The following SNX16 variants were observed in gnomAD, a reference collection of about 807,000 sequenced individuals.
The protein encoded by SNX16 is sorting nexin 16.
SNX16 carries 35 observed loss-of-function variants against 36.7 expected under a neutral mutation model. The observed-to-expected ratio is 0.95, with a 90% CI of 0.73 to 1.27. The LOEUF is 1.27. Ranked by LOEUF, SNX16 falls within the 50% of genes most tolerant of loss-of-function variation. SNX16 has a pLI of 0.00. For synonymous variants in SNX16, 134 were observed against 132.0 expected (o/e 1.02, Z -0.10); for missense variants, 367 against 393.6 (o/e 0.93, Z 0.57).
In SNX16 at chr8:81,808,973, G is replaced by A. The variant is rs540641384; in HGVS notation, c.682-5745C>T. Among the ~76,000 whole-genome samples the A allele has an allele frequency of 3.1e-3, 478 of 151,988 alleles. 9 individuals are homozygous for A. The highest frequency in any genetic ancestry group is 5.3e-4 in the Non-Finnish European group (36 of 67,970). ...TGTGGCAAATGTAAAGCATTCCAAC[G>A]AAGGGTTTTAATGTAGTTTTTTTTT... is the stretch of plus-strand genomic sequence containing the variant. On this transcript the variant is annotated intron_variant, in intron 5 of 7. Coordinates refer to ENST00000345957, the MANE Select transcript of SNX16 (RefSeq NM_152836.3).
chr8:81,820,950 T>C (rs1262534114), intron 4 of SNX16, among the ~76,000 whole-genome samples: 3 of 151,374 alleles, frequency 2.0e-5, no homozygotes, highest in Non-Finnish European at 2.9e-5. Context: ...TATTAAGAAG[T>C]CTCTTACATT....
At chr8:81,834,827 G>C (rs117764244) in intron 2 of SNX16, among the ~76,000 whole-genome samples, 1 of 152,200 alleles carries the variant, frequency 6.6e-6, no homozygotes, top group Non-Finnish European at 1.5e-5. Flanking sequence ...TTTATGAGCC[G>C]TGGCTTTTCC....
At chr8:81,833,164 A>G (rs1586018127) in intron 2 of SNX16, among the ~76,000 whole-genome samples, 1 of 144,814 alleles carries the variant, frequency 6.9e-6, no homozygotes, top group Admixed American at 7.1e-5. Context: ...AAATAATTTC[A>G]CCTATTTCTT....
Position 81,823,869 on chromosome 8 carries a change from A to G in SNX16, c.534T>C (p.Ala178=). ...CTAATTGTCTGTCTTCTAAAAAGTC[A>G]GCATTGTAATTATCTTTAAACCAGC... is the stretch of plus-strand genomic sequence containing the variant. ...PKRWFKDNYN[A]DFLEDRQLGL... Residue 178 remains alanine, a synonymous_variant, in exon 4 of 8, where the codon GCT becomes GCC. Transcript: ENST00000345957. The G allele has an allele frequency of 6.2e-7, 1 of 1,612,258 alleles. No homozygotes were observed. Among genetic ancestry groups the G allele is most frequent in the Middle Eastern group, 1.7e-4 (1 of 6,046 alleles).
chr8:81,819,923 A>T (rs1219898277), intron 4 of SNX16, among the ~76,000 whole-genome samples: 2 of 152,092 alleles, frequency 1.3e-5, no homozygotes, highest in African/African-American at 4.8e-5. Context: ...GTGTAATGGT[A>T]AGGGCTTAGC....
chr8:81,835,723 CCTCAGCCTG>C (rs1455277051), intron 2 of SNX16, among the ~76,000 whole-genome samples: 1 of 152,208 alleles, frequency 6.6e-6, no homozygotes, highest in Admixed American at 6.5e-5. Flanking sequence ...ACTAAGACTA[CCTCAGCCTG>C]GACTGTAGAA....
intron 5 of SNX16, chr8:81,815,100 TTTA>T: frequency 4.2e-6 from 1 of 238,478 alleles, no homozygotes; most frequent in East Asian, 7.5e-5. Context: ...ATTTTAGAGC[TTTA>T]TTGACTATAA....
At chr8:81,838,414 T>C (rs56274445) in intron 2 of SNX16, among the ~76,000 whole-genome samples, 37,675 of 151,884 alleles carry the variant, frequency 0.25, 5,232 homozygotes, top group East Asian at 0.37. Flanking sequence ...TAAGACTTTA[T>C]TAATTAAGAC....
At chr8:81,820,919 C>T (rs1810713799) in intron 4 of SNX16, among the ~76,000 whole-genome samples, 1 of 151,312 alleles carries the variant, frequency 6.6e-6, no homozygotes. Context: ...TCTTCTCTGA[C>T]TCACATTTTA....
Position 81,823,943 on chromosome 8 carries a change from G to A in SNX16, c.463-3C>T, listed in dbSNP as rs1810892888. 6.2e-7 allele frequency: 1 copy of A among 1,602,410 alleles called. No individual in the cohort carries two copies. Among genetic ancestry groups the A allele is most frequent in the Non-Finnish European group, 8.5e-7 (1 of 1,176,118 alleles). ...AAACCTGGAAACATCTCTTTTAACT[G>A]AAAAAGAAGAAAAGAGCAAATACAA... On this transcript the variant is annotated splice_region_variant and splice_polypyrimidine_tract_variant and intron_variant, in intron 3 of 7. Coordinates refer to ENST00000345957, the MANE Select transcript of SNX16 (RefSeq NM_152836.3).
rs772801589 is a variant in SNX16 at position 81,839,793 on chromosome 8, G to A, written c.194C>T (p.Ser65Leu). ...TSVPDQMDNTSSVCSSPLIRT... is the reference protein window; with the variant it reads ...TSVPDQMDNTLSVCSSPLIRT... The stretch of plus-strand genomic sequence containing the variant: ...AATGAGGGGACTGCTACAGACAGAT[G>A]AAGTATTATCCATTTGATCAGGAAC... The change falls in exon 2 of 8, where the codon TCA becomes TTA. Residue 65 changes from serine (S) to leucine (L), a missense_variant. Physicochemically the swap from Ser to Leu is moderately radical, Grantham distance 145 (BLOSUM62 -2). Transcript: ENST00000345957. 3 of 1,613,620 alleles carry A rather than the reference G, an allele frequency of 1.9e-6. No individual in the cohort carries two copies. Among genetic ancestry groups the A allele is most frequent in the Non-Finnish European group, 1.7e-6 (2 of 1,179,550 alleles).
rs770761165 is a variant in SNX16, at chr8:81,829,487, T to C, written c.405A>G (p.Pro135=). 2 of 1,428,340 alleles carry C rather than the reference T, an allele frequency of 1.4e-6. No homozygotes were observed. The highest frequency in any genetic ancestry group is 5.6e-5 in the Admixed American group (2 of 35,514). The allele number at this position is 1,428,340 out of a possible 1,614,324, so 88.5% of individuals were successfully genotyped here. The part of the protein sequence containing the change: ...TVYKILVKKT[P]EESWVVFRRY... ...TTCTGAAAACTACCCAGCTTTCTTC[T>C]GGGGTTTTCTTTACTAGTATTTTAT... The change falls in exon 3 of 8, where the codon CCA becomes CCG. Residue 135 remains proline, a synonymous_variant. Coordinates refer to ENST00000345957, the MANE Select transcript of SNX16 (RefSeq NM_152836.3).
At chr8:81,815,207 A>G in intron 5 of SNX16, 118 bp downstream of exon 5, 1 of 708,218 alleles carries the variant, frequency 1.4e-6, no homozygotes, top group Non-Finnish European at 2.1e-6. Context: ...TCTGTGCAAA[A>G]CTACCATAGC....
At chr8:81,802,616 T>G in intron 6 of SNX16, 117 bp from the exon 7 acceptor site, 2 of 726,420 alleles carry the variant, frequency 2.8e-6, no homozygotes, top group Non-Finnish European at 4.2e-6. Flanking sequence ...TGTAGTTACA[T>G]AGCTAATAAA....
intron 5 of SNX16, among the ~76,000 whole-genome samples, chr8:81,806,113 G>A (rs939895732): frequency 1.6e-4 from 25 of 152,108 alleles, no homozygotes; most frequent in African/African-American, 5.8e-4. Context: ...TGTTTTACAG[G>A]TGAATTCTAA....
intron 4 of SNX16, among the ~76,000 whole-genome samples, chr8:81,821,692 T>G (rs1445094276): frequency 6.6e-6 from 1 of 152,038 alleles, no homozygotes; most frequent in Admixed American, 6.6e-5. Context: ...CTCTGTCACA[T>G]TGGCTTCAAT....
chr8:81,831,406 A>G (rs922363177), intron 2 of SNX16, among the ~76,000 whole-genome samples: 4 of 152,162 alleles, frequency 2.6e-5, no homozygotes, highest in African/African-American at 9.7e-5. Flanking sequence ...AACATAAACA[A>G]TTCAAGGCTG....
rs908092456 is a variant in SNX16, at chr8:81,834,515, G to A, written c.376-4999C>T. On this transcript the variant is annotated intron_variant, in intron 2 of 7. Transcript: ENST00000345957. ...TTATACGAGACAAGAAGTCCCTTCC[G>A]TCTATGAGCCTATAAAATCAAAAGC... 3.3e-5 allele frequency among the ~76,000 whole-genome samples: 5 copies of A among 152,068 alleles called. No individual in the cohort carries two copies. In the East Asian group the frequency reaches 7.7e-4, roughly 23 times the overall value.
At chr8:81,835,771 T>C (rs1563455947) in intron 2 of SNX16, among the ~76,000 whole-genome samples, 1 of 152,218 alleles carries the variant, frequency 6.6e-6, no homozygotes, top group African/African-American at 2.4e-5. Flanking sequence ...CAGTTCCACA[T>C]GGCTGGGAGG....
Sources: gnomAD v4.1 joint callset for allele counts (sites outside exome capture counted in the v4.1 genomes callset) on GRCh38, gnomAD v4.1.1 for gene constraint, MANE v1.5 for transcripts, NCBI Gene and HGNC (gene_info 2026-07-23, HGNC 2026-07-21) for gene names.